DPP10: variants seen among roughly 807,000 people sequenced by gnomAD.
DPP10 encodes dipeptidyl peptidase like 10, also known as inactive dipeptidyl peptidase 10.
A neutral mutation model predicts 120.9 loss-of-function variants in DPP10; 33 were observed. The ratio of observed to expected loss-of-function variants is 0.27; its 90% CI spans 0.21 to 0.37. The LOEUF (loss-of-function observed/expected upper bound fraction) is 0.37. Ranked by LOEUF, DPP10 falls within the 10% of genes least tolerant of loss-of-function variation. DPP10 has a pLI of 1.00. For synonymous variants in DPP10, 337 were observed against 326.1 expected (o/e 1.03, Z -0.36); for missense variants, 816 against 942.8 (o/e 0.87, Z 1.76).
intron 1 of DPP10, among the ~76,000 whole-genome samples, chr2:114,926,850 ATTT>A (rs11450459): frequency 2.9e-5 from 4 of 136,564 alleles, no homozygotes; most frequent in African/African-American, 2.7e-5. Context: ...GGAAGATACA[ATTT>A]TTTTTTTTTT....
intron 3 of DPP10, chr2:115,468,026 C>G (rs988951166): frequency 1.9e-5 from 7 of 361,508 alleles, no homozygotes; most frequent in Non-Finnish European, 3.7e-5. Context: ...GTACTGGATT[C>G]CCGCTGTAAC....
intron 1 of DPP10, chr2:115,162,197 T>TA (rs2052443573): frequency 6.4e-6 from 10 of 1,552,912 alleles, no homozygotes; most frequent in Middle Eastern, 4.1e-4. Context: ...TGCGGGAAGT[T>TA]AGAGCCTCTG....
chr2:114,840,524 C>A (rs1470391858), intron 1 of DPP10, among the ~76,000 whole-genome samples: 1 of 152,068 alleles, frequency 6.6e-6, no homozygotes, highest in African/African-American at 2.4e-5. Context: ...TCAAAACCCC[C>A]CAAAACTTAA....
intron 5 of DPP10, among the ~76,000 whole-genome samples, chr2:115,657,548 A>G (rs550813973): frequency 6.6e-6 from 1 of 151,756 alleles, no homozygotes; most frequent in African/African-American, 2.4e-5. Flanking sequence ...CAGCTAGTCC[A>G]CTTGCTCTGC....
chr2:114,468,989 C>A (rs916232372), intron 1 of DPP10, among the ~76,000 whole-genome samples: 5 of 152,108 alleles, frequency 3.3e-5, no homozygotes, highest in African/African-American at 1.2e-4. Flanking sequence ...AATGGGCTTC[C>A]TAATGATGCA....
At chr2:114,897,498 T>G (rs748954614) in intron 1 of DPP10, among the ~76,000 whole-genome samples, 35 of 152,220 alleles carry the variant, frequency 2.3e-4, no homozygotes, top group Middle Eastern at 3.4e-3. Context: ...TTGACAAATG[T>G]GATCTAATTA....
chr2:114,663,240 G>A lies in DPP10; in HGVS notation c.60+220402G>A, dbSNP rs1283353624. On this transcript the variant is annotated intron_variant, in intron 1 of 25. Coordinates refer to ENST00000410059, the MANE Select transcript of DPP10 (RefSeq NM_020868.6). ...CAGATGTGTATATTAAGAGCCTTGT[G>A]TGTGTATATATATATATATCTATAT... Among the ~76,000 whole-genome samples the A allele has an allele frequency of 8.0e-5, 11 of 136,914 alleles. No homozygotes were observed. The East Asian group carries it at 2.6e-3, about 33-fold the overall frequency. The allele number at this position is 136,914 out of a possible 152,430, so 89.8% of individuals were successfully genotyped here. A position where few individuals can be genotyped will look rare whatever the true frequency, so the allele number is the denominator to read the frequency against.
At chr2:114,753,105 C>A (rs187871054) in intron 1 of DPP10, among the ~76,000 whole-genome samples, 1 of 152,224 alleles carries the variant, frequency 6.6e-6, no homozygotes, top group African/African-American at 2.4e-5. Flanking sequence ...AAGCTCAGTT[C>A]CTTCTGTCAA....
At chr2:114,683,434 G>A (rs1259738597) in intron 1 of DPP10, among the ~76,000 whole-genome samples, 2 of 151,452 alleles carry the variant, frequency 1.3e-5, no homozygotes, top group African/African-American at 4.8e-5. Flanking sequence ...ACCACCCAGT[G>A]TGCCTTCCTC....
intron 1 of DPP10, among the ~76,000 whole-genome samples, chr2:115,299,751 T>C (rs1451390481): frequency 1.3e-5 from 2 of 152,096 alleles, no homozygotes; most frequent in African/African-American, 4.8e-5. Flanking sequence ...AGCACAGATT[T>C]ATATTCCATT....
At chr2:115,706,594 A>G (rs2092118234) in intron 7 of DPP10, among the ~76,000 whole-genome samples, 2 of 152,016 alleles carry the variant, frequency 1.3e-5, no homozygotes, top group Admixed American at 1.3e-4. Flanking sequence ...CTCTTTCTGT[A>G]TCATTGCAAC....
At chr2:115,672,682 C>CTTTCTTTCTTTCTTTCTTTCT (rs2089985906) in intron 5 of DPP10, among the ~76,000 whole-genome samples, 3 of 137,492 alleles carry the variant, frequency 2.2e-5, no homozygotes, top group Non-Finnish European at 4.7e-5. Flanking sequence ...CTTTCTTTCT[C>CTTTCTTTCTTTCTTTCTTTCT]TTTCTTTCTT....
At chr2:115,842,180 T>C in intron 25 of DPP10, 31 bp from the exon 26 acceptor site, 1 of 1,550,832 alleles carries the variant, frequency 6.4e-7, no homozygotes, top group Non-Finnish European at 8.8e-7. Context: ...TCTTGGATAA[T>C]TTGAAATCTT....
At chr2:114,472,128 T>C (rs1486416475) in intron 1 of DPP10, among the ~76,000 whole-genome samples, 1 of 152,178 alleles carries the variant, frequency 6.6e-6, no homozygotes, top group African/African-American at 2.4e-5. Flanking sequence ...GAGAGATTGG[T>C]CCATGTGATT....
chr2:114,607,784 G>A (rs1460238041), intron 1 of DPP10, among the ~76,000 whole-genome samples: 1 of 152,132 alleles, frequency 6.6e-6, no homozygotes, highest in East Asian at 1.9e-4. Flanking sequence ...GTTTGATTTT[G>A]TTTCCTCATA....
intron 1 of DPP10, among the ~76,000 whole-genome samples, chr2:114,454,587 T>C (rs957527129): frequency 1.3e-5 from 2 of 152,184 alleles, no homozygotes; most frequent in Non-Finnish European, 2.9e-5. Context: ...AGCCTCTCAA[T>C]TGAAGTTTCC....
At chr2:115,111,925 C>A (rs971458841) in intron 1 of DPP10, among the ~76,000 whole-genome samples, 1 of 152,154 alleles carries the variant, frequency 6.6e-6, no homozygotes, top group East Asian at 1.9e-4. Context: ...GGAAGTCAAG[C>A]GGCCAATCAG....
intron 1 of DPP10, among the ~76,000 whole-genome samples, chr2:114,866,237 C>T (rs1453110475): frequency 6.6e-6 from 1 of 151,874 alleles, no homozygotes; most frequent in African/African-American, 2.4e-5. Flanking sequence ...CATTTTCTCT[C>T]ATCTTTGGAG....
At chr2:115,504,149 C>G (rs1393454919) in intron 4 of DPP10, among the ~76,000 whole-genome samples, 3 of 152,022 alleles carry the variant, frequency 2.0e-5, no homozygotes, top group Non-Finnish European at 4.4e-5. Context: ...TTGGCTTCCT[C>G]TCTTGTGTGT....
Sources: gnomAD v4.1 joint callset for allele counts (sites outside exome capture counted in the v4.1 genomes callset) on GRCh38, gnomAD v4.1.1 for gene constraint, MANE v1.5 for transcripts, NCBI Gene and HGNC (gene_info 2026-07-23, HGNC 2026-07-21) for gene names.